The following FAT3 variants were observed in gnomAD, a reference collection of about 807,000 sequenced individuals.
FAT3 encodes the protein FAT atypical cadherin 3.
A neutral mutation model predicts 310.2 loss-of-function variants in FAT3; 95 were observed. That is an observed-to-expected ratio of 0.31 (90% confidence interval 0.26 to 0.36). FAT3 has a LOEUF of 0.36. FAT3 is among the 10% of genes least tolerant of loss of function. FAT3 has a pLI of 1.00. For missense variants in FAT3, 5,408 were observed against 5,715.6 expected (o/e 0.95, Z 1.74); for synonymous variants, 2,314 against 2,192.9 (o/e 1.06, Z -1.54).
chr11:92,431,031 T>C (rs1247470323), intron 2 of FAT3, among the ~76,000 whole-genome samples: 1 of 152,170 alleles, frequency 6.6e-6, no homozygotes, highest in East Asian at 1.9e-4. Flanking sequence ...TACCCAGTAA[T>C]GGGATTGCTG....
intron 3 of FAT3, among the ~76,000 whole-genome samples, chr11:92,658,300 T>C (rs984986784): frequency 1.4e-4 from 22 of 152,314 alleles, no homozygotes; most frequent in African/African-American, 5.3e-4. Flanking sequence ...AATATAAGTT[T>C]TTAAATTTAA....
chr11:92,841,150 A>C (rs1948539789), intron 18 of FAT3, among the ~76,000 whole-genome samples: 1 of 152,152 alleles, frequency 6.6e-6, no homozygotes, highest in Non-Finnish European at 1.5e-5. Flanking sequence ...GGCCTTCCCC[A>C]GTGAGGCAGG....
chr11:92,636,780 C>T (rs957002556), intron 3 of FAT3, among the ~76,000 whole-genome samples: 1 of 152,198 alleles, frequency 6.6e-6, no homozygotes, highest in African/African-American at 2.4e-5. Context: ...AAGCCTGTTT[C>T]TGTCAAAGGA....
chr11:92,233,389 A>C (rs910408544), intron 1 of FAT3, among the ~76,000 whole-genome samples: 1 of 152,202 alleles, frequency 6.6e-6, no homozygotes, highest in Non-Finnish European at 1.5e-5. Flanking sequence ...TACACATTAC[A>C]TCGTTGGTCG....
At chr11:92,434,998 C>T (rs534986274) in intron 2 of FAT3, among the ~76,000 whole-genome samples, 1 of 152,248 alleles carries the variant, frequency 6.6e-6, no homozygotes, top group African/African-American at 2.4e-5. Context: ...GGCTTGCATA[C>T]AGTGGGAAGA....
chr11:92,351,509 A>C (rs1183960289), intron 1 of FAT3, among the ~76,000 whole-genome samples: 1 of 152,178 alleles, frequency 6.6e-6, no homozygotes, highest in African/African-American at 2.4e-5. Flanking sequence ...CATGCTATAT[A>C]TACTGTTTGA....
intron 1 of FAT3, among the ~76,000 whole-genome samples, chr11:92,333,105 G>T (rs1373795548): frequency 6.6e-6 from 1 of 152,126 alleles, no homozygotes; most frequent in Non-Finnish European, 1.5e-5. Context: ...ATATTTTTAT[G>T]TATAAAAACT....
intron 3 of FAT3, among the ~76,000 whole-genome samples, chr11:92,680,621 GT>G (rs913343134): frequency 1.4e-4 from 22 of 151,736 alleles, no homozygotes; most frequent in African/African-American, 5.3e-4. Context: ...GAATTTTACG[GT>G]TTTTTTTCCT....
intron 2 of FAT3, among the ~76,000 whole-genome samples, chr11:92,489,917 G>T (rs1461849078): frequency 6.7e-6 from 1 of 149,150 alleles, no homozygotes; most frequent in Non-Finnish European, 1.5e-5. Context: ...TCTCCCATGA[G>T]CAGCGAAAGA....
chr11:92,583,927 A>G (rs1938985907), intron 3 of FAT3, among the ~76,000 whole-genome samples: 1 of 152,038 alleles, frequency 6.6e-6, no homozygotes, highest in Non-Finnish European at 1.5e-5. Context: ...TAGGTTAGAC[A>G]TCTTAAATTT....
chr11:92,688,943 TG>T (rs1265775828), intron 3 of FAT3, among the ~76,000 whole-genome samples: 1 of 152,220 alleles, frequency 6.6e-6, no homozygotes, highest in Admixed American at 6.5e-5. Context: ...GAACTTTTGC[TG>T]CCCAAATATT....
chr11:92,404,569 A>G (rs940963696), intron 2 of FAT3, among the ~76,000 whole-genome samples: 2 of 151,644 alleles, frequency 1.3e-5, no homozygotes, highest in African/African-American at 4.8e-5. Context: ...CCATGGTACA[A>G]TATGGCAGGT....
At chr11:92,764,752 T>C in intron 5 of FAT3, 127 bp from the exon 6 acceptor site, 1 of 823,262 alleles carries the variant, frequency 1.2e-6, no homozygotes, top group East Asian at 2.7e-5. Context: ...AGACCTCTGC[T>C]CCTTTCTTCC....
chr11:92,890,864 C>T lies in FAT3; in HGVS notation c.13521C>T (p.Gly4507=), dbSNP rs2136447666. Residue 4507 remains glycine (G), a synonymous_variant, in exon 28 of 28, where the codon GGC becomes GGT. Coordinates refer to ENST00000525166, the MANE Select transcript of FAT3 (RefSeq NM_001367949.2). ...HPFPNETDLV[G]PPASCEFSTF... ...TCCCCAACGAAACGGATTTGGTGGG[C>T]CCGCCTGCCAGCTGTGAATTTAGTA... 6.2e-7 allele frequency: 1 copy of T among 1,614,016 alleles called. No individual in the cohort carries two copies. The highest frequency in any genetic ancestry group is 8.5e-7 in the Non-Finnish European group (1 of 1,179,902).
intron 3 of FAT3, among the ~76,000 whole-genome samples, chr11:92,553,689 CTT>C (rs1333183822): frequency 6.9e-5 from 4 of 57,734 alleles, no homozygotes; most frequent in East Asian, 7.4e-4. Context: ...TCCTTCCTTC[CTT>C]CCTTCCTTCC....
Position 92,226,572 on chromosome 11 carries a change from G to A in FAT3, c.-18+1398G>A, listed in dbSNP as rs556176176. ...AGGCTGCAGCTCGCTGGAATAATGGGCTCAAACCAGGCGGTGGAGAGGGGT... is the reference window on the plus strand; with the variant it reads ...AGGCTGCAGCTCGCTGGAATAATGGACTCAAACCAGGCGGTGGAGAGGGGT... On this transcript the variant is annotated intron_variant, in intron 1 of 27. Transcript: ENST00000525166. Among the ~76,000 whole-genome samples the A allele has an allele frequency of 7.2e-5, 11 of 151,992 alleles. No individual in the cohort carries two copies. In the South Asian group the frequency reaches 2.1e-3, roughly 29 times the overall value.
In FAT3 at chr11:92,799,244, A is replaced by G. The variant is rs779573557; in HGVS notation, c.6231A>G (p.Ile2077Met). 13 of 1,613,894 alleles carry G rather than the reference A, an allele frequency of 8.1e-6. No individual in the cohort carries two copies. Among genetic ancestry groups the G allele is most frequent in the Non-Finnish European group, 1.1e-5 (13 of 1,179,864 alleles). Reference sequence around the variant, plus strand: ...TGGTCAGGGTTAACATTGAAGACATAAATGACAATTCTCCAGTCTTTGTGG... The same window carrying G: ...TGGTCAGGGTTAACATTGAAGACATGAATGACAATTCTCCAGTCTTTGTGG... ...RVVVRVNIED[I>M]NDNSPVFVGL... Residue 2077 changes from isoleucine to methionine, a missense_variant, in exon 10 of 28, where the codon ATA becomes ATG. This residue lies in a region of FAT3 where 4,588 missense variants were observed against 4,809.8 expected (regional missense o/e 0.95). Transcript: ENST00000525166.
intron 21 of FAT3, among the ~76,000 whole-genome samples, chr11:92,860,338 C>G (rs1036258288): frequency 3.3e-5 from 5 of 152,218 alleles, no homozygotes; most frequent in Admixed American, 6.5e-5. Flanking sequence ...ATCCCACACT[C>G]TAGTCTCTCT....
At chr11:92,558,224 C>T (rs1242863929) in intron 3 of FAT3, among the ~76,000 whole-genome samples, 1 of 152,158 alleles carries the variant, frequency 6.6e-6, no homozygotes, top group African/African-American at 2.4e-5. Context: ...TAATTACAAA[C>T]CACTGATAGG....
Sources: allele counts gnomAD v4.1 joint callset (sites outside exome capture counted in the v4.1 genomes callset), GRCh38; gene constraint gnomAD v4.1.1; regional missense constraint gnomAD v4.1.1; transcripts MANE v1.5; gene names NCBI Gene and HGNC (gene_info 2026-07-23, HGNC 2026-07-21).